Variants in NSMAF observed in about 807,000 individuals in gnomAD.
NSMAF encodes the protein protein FAN.
NSMAF carries 90 observed loss-of-function variants against 134.9 expected under a neutral mutation model. That is an observed-to-expected ratio of 0.67 (90% CI 0.56 to 0.79). The LOEUF is 0.79. Among genes scored for constraint, NSMAF ranks in the 30% least tolerant of loss-of-function variants. The pLI is 0.00. For synonymous variants in NSMAF, 358 were observed against 389.6 expected, an observed-to-expected ratio of 0.92 and a Z score of 0.96; for missense variants, 1,010 against 1,119.0, an observed-to-expected ratio of 0.90 and a Z score of 1.39.
chr8:58,623,786 A>G lies in NSMAF; in HGVS notation c.385-6T>C. 2 of 1,610,650 alleles carry G rather than the reference A, an allele frequency of 1.2e-6. No individual in the cohort carries two copies. The highest frequency in any genetic ancestry group is 1.7e-6 in the Non-Finnish European group (2 of 1,177,068). Reference sequence around the variant, plus strand: ...AAAACATATTCCATTTTGCCCTAACAAAAAGGGGAAGATATCAAAATACAG... The same window carrying G: ...AAAACATATTCCATTTTGCCCTAACGAAAAGGGGAAGATATCAAAATACAG... On this transcript the variant is annotated splice_region_variant and splice_polypyrimidine_tract_variant and intron_variant, in intron 6 of 30. Transcript: ENST00000038176.
At chr8:58,620,981 T>C (rs1419476880) in intron 9 of NSMAF, among the ~76,000 whole-genome samples, 11 of 152,180 alleles carry the variant, frequency 7.2e-5, no homozygotes, top group Admixed American at 7.2e-4. Flanking sequence ...TCAGGGTACA[T>C]ATGCAGGTTT....
chr8:58,594,251 T>C lies in NSMAF; in HGVS notation c.1932A>G (p.Ser644=), dbSNP rs1273235840. 1.2e-6 allele frequency: 2 copies of C among 1,614,208 alleles called. No homozygotes were observed. The highest frequency in any genetic ancestry group is 1.7e-5 in the Admixed American group (1 of 60,022). ...TGITVSRNGS[S]VFTTSQDSTL... The stretch of plus-strand genomic sequence containing the variant: ...ACTGACCTTGGGATGTTGTGAATAC[T>C]GAAGATCCATTGCGAGAGACCGTGA... The change falls in exon 23 of 31, where the codon TCA becomes TCG. Residue 644 remains serine (S), a synonymous_variant. Transcript: ENST00000038176.
At chr8:58,637,761 A>G (rs1807235994) in intron 2 of NSMAF, among the ~76,000 whole-genome samples, 1 of 152,218 alleles carries the variant, frequency 6.6e-6, no homozygotes, top group Non-Finnish European at 1.5e-5. Flanking sequence ...GCACCAAAGG[A>G]AAAACAAAAC....
At chr8:58,613,629 C>T (rs1383735804) in intron 9 of NSMAF, among the ~76,000 whole-genome samples, 3 of 151,916 alleles carry the variant, frequency 2.0e-5, no homozygotes, top group Admixed American at 6.6e-5. Flanking sequence ...ATGTTTTGGT[C>T]AATGACACTG....
At chr8:58,637,017 TACACAC>T (rs34638032) in intron 2 of NSMAF, among the ~76,000 whole-genome samples, 17 of 146,926 alleles carry the variant, frequency 1.2e-4, no homozygotes, top group Non-Finnish European at 1.8e-4. Flanking sequence ...ATTAAGATTA[TACACAC>T]ACACACACAC....
At chr8:58,636,613 A>G (rs1807178804) in intron 2 of NSMAF, among the ~76,000 whole-genome samples, 1 of 152,210 alleles carries the variant, frequency 6.6e-6, no homozygotes, top group Non-Finnish European at 1.5e-5. Flanking sequence ...CAGATAGTAA[A>G]TATCTTTGCT....
intron 9 of NSMAF, among the ~76,000 whole-genome samples, chr8:58,619,359 C>A (rs1021584183): frequency 1.3e-5 from 2 of 152,154 alleles, no homozygotes; most frequent in Non-Finnish European, 2.9e-5. Context: ...ACAAACTACT[C>A]TCATTTATAA....
At position 58,585,646 on chromosome 8, in the gene NSMAF, G is replaced by A; in HGVS notation, c.2659+6C>T. ...AAAGATCAAGGCAACTGCAGTAGCT[G>A]CTTACCTGTGTGGCCCTGTATTCTC... is the stretch of plus-strand genomic sequence containing the variant. On this transcript the variant is annotated splice_donor_region_variant and intron_variant, in intron 30 of 30. Coordinates refer to ENST00000038176, the MANE Select transcript of NSMAF (RefSeq NM_003580.4). 1 of 1,595,484 alleles carries A rather than the reference G, an allele frequency of 6.3e-7. No individual in the cohort carries two copies. The highest frequency in any genetic ancestry group is 2.2e-5 in the East Asian group (1 of 44,766).
At chr8:58,613,430 T>C (rs1302833273) in intron 9 of NSMAF, among the ~76,000 whole-genome samples, 1 of 152,144 alleles carries the variant, frequency 6.6e-6, no homozygotes, top group Non-Finnish European at 1.5e-5. Context: ...GAGGTACATA[T>C]TGTAATCTCT....
At chr8:58,628,168 A>G (rs1236960563) in intron 6 of NSMAF, among the ~76,000 whole-genome samples, 3 of 152,232 alleles carry the variant, frequency 2.0e-5, no homozygotes. Flanking sequence ...GGTGCTAGGA[A>G]AACTGGCAAG....
At position 58,583,701 on chromosome 8, in the gene NSMAF, T is replaced by A. The variant is rs1805821403; in HGVS notation, c.*405A>T. On this transcript the variant is annotated 3_prime_UTR_variant, in exon 31 of 31. Transcript: ENST00000038176. ...CCCGATGGGTGGCAATTGTGATAGA[T>A]TAGGAAGACAAAACAGATTCAGAAG... is the stretch of plus-strand genomic sequence containing the variant. The A allele has an allele frequency of 4.2e-6, 1 of 238,614 alleles. No homozygotes were observed. 14.8% of individuals were successfully genotyped at this position (238,614 alleles called of 1,614,324 possible).
intron 6 of NSMAF, among the ~76,000 whole-genome samples, chr8:58,626,481 T>C (rs941561972): frequency 1.3e-5 from 2 of 152,232 alleles, no homozygotes; most frequent in African/African-American, 4.8e-5. Context: ...TTTCCATTCC[T>C]GAGTTATTTA....
intron 9 of NSMAF, among the ~76,000 whole-genome samples, chr8:58,612,203 TA>T (rs1806544116): frequency 6.6e-6 from 1 of 152,176 alleles, no homozygotes; most frequent in African/African-American, 2.4e-5. Flanking sequence ...ATGAGAGGCT[TA>T]GAGCTTTTGG....
intron 1 of NSMAF, among the ~76,000 whole-genome samples, chr8:58,644,855 A>G (rs1378557243): frequency 1.3e-5 from 2 of 152,074 alleles, no homozygotes; most frequent in African/African-American, 2.4e-5. Context: ...CTCAGCAAAC[A>G]CAAGAACAGA....
intron 9 of NSMAF, among the ~76,000 whole-genome samples, chr8:58,617,065 C>T (rs1377615248): frequency 6.6e-6 from 1 of 152,144 alleles, no homozygotes; most frequent in Non-Finnish European, 1.5e-5. Flanking sequence ...GAAATCTGTA[C>T]TATCTTTTGG....
intron 5 of NSMAF, among the ~76,000 whole-genome samples, chr8:58,633,421 T>C (rs934364459): frequency 2.0e-5 from 3 of 152,262 alleles, no homozygotes; most frequent in African/African-American, 7.2e-5. Context: ...CAGTGAGGCA[T>C]CCCTGACTAC....
chr8:58,603,144 C>T (rs1199999033), intron 13 of NSMAF, 66 bp downstream of exon 13: 14 of 1,430,162 alleles, frequency 9.8e-6, no homozygotes, highest in Admixed American at 3.6e-5. Flanking sequence ...TTATTCTGTC[C>T]TTTAAAAACA....
chr8:58,659,354 C>T (rs113744183), intron 1 of NSMAF: 3 of 1,526,278 alleles, frequency 2.0e-6, no homozygotes, highest in African/African-American at 1.4e-5. Context: ...CATCCAGTTC[C>T]TGTCCCCGGC....
rs1355123151 is a variant in NSMAF, at chr8:58,601,227, G to T, written c.1280+58C>A. The T allele has an allele frequency of 8.1e-6, 11 of 1,359,102 alleles. No homozygotes were observed. In the East Asian group the frequency reaches 2.3e-4, roughly 28 times the overall value. 84.2% of individuals were successfully genotyped at this position (1,359,102 alleles called of 1,614,324 possible). A position where few individuals can be genotyped will look rare whatever the true frequency, so the allele number is the denominator to read the frequency against. On this transcript the variant is annotated intron_variant, in intron 16 of 30. Transcript: ENST00000038176. ...ATATCCAGTGCTTTGAAACAAGTAT[G>T]TTGTATATATACAATCAGAAAGTGT...
Sources: gnomAD v4.1 joint callset for allele counts (sites outside exome capture counted in the v4.1 genomes callset) on GRCh38, gnomAD v4.1.1 for gene constraint, MANE v1.5 for transcripts, NCBI Gene and HGNC (gene_info 2026-07-23, HGNC 2026-07-21) for gene names.